The following SLC5A4 variants were observed in gnomAD, a reference collection of about 807,000 sequenced individuals.
SLC5A4 encodes probable glucose sensor protein SLC5A4.
SLC5A4 carries 55 observed loss-of-function variants against 70.3 expected under a neutral mutation model. That is an observed-to-expected ratio of 0.78 (90% CI 0.63 to 0.98). SLC5A4 has a LOEUF of 0.98. Ranked by LOEUF, SLC5A4 falls within the 50% of genes least tolerant of loss-of-function variation. The pLI is 0.00. For missense variants in SLC5A4, 735 were observed against 839.2 expected, an observed-to-expected ratio of 0.88 and a Z score of 1.53; for synonymous variants, 268 against 305.7, an observed-to-expected ratio of 0.88 and a Z score of 1.29.
chr22:32,263,397 C>T, the SLC5A4 span, among the ~76,000 whole-genome samples: 11 of 152,132 alleles, frequency 7.2e-5, no homozygotes, highest in Non-Finnish European at 1.5e-4. Flanking sequence ...GAAACAATTC[C>T]TTAGAAACAT....
At chr22:32,256,333 A>G (rs5753896), upstream of SLC5A4, among the ~76,000 whole-genome samples, 101 of 152,158 alleles carry the variant, frequency 6.6e-4, 1 homozygote, top group East Asian at 0.015. Context: ...AAACAACAAC[A>G]AAAAAACAAA....
intron 13 of SLC5A4, among the ~76,000 whole-genome samples, chr22:32,223,639 G>A (rs534564708): frequency 6.6e-6 from 1 of 152,184 alleles, no homozygotes; most frequent in African/African-American, 2.4e-5. Context: ...TGACAGCTCT[G>A]CTGTGAAGTC....
chr22:32,324,066 A>C, the SLC5A4 span, among the ~76,000 whole-genome samples: 1 of 152,204 alleles, frequency 6.6e-6, no homozygotes, highest in Non-Finnish European at 1.5e-5. Flanking sequence ...TCCGTTTGGG[A>C]ATGACAAGCA....
chr22:32,274,281 C>T, the SLC5A4 span, among the ~76,000 whole-genome samples: 1 of 152,054 alleles, frequency 6.6e-6, no homozygotes, highest in East Asian at 1.9e-4. Context: ...ACCTCGTGCT[C>T]CTCCCGCCTC....
At chr22:32,269,501 G>T in the SLC5A4 span, 6 of 580,370 alleles carry the variant, frequency 1.0e-5, no homozygotes, top group South Asian at 6.1e-5. This position sits in a 1 kb window ranked among gnomAD's most constrained non-coding sequence, Gnocchi z 4.1. Flanking sequence ...GCCCGGGCAC[G>T]TGGCTGTGTG....
intron 8 of SLC5A4, among the ~76,000 whole-genome samples, chr22:32,234,506 C>G (rs1252382901): frequency 6.6e-6 from 1 of 152,112 alleles, no homozygotes; most frequent in East Asian, 1.9e-4. Flanking sequence ...CGAGACCAGC[C>G]TGGCCAACAT....
the SLC5A4 span, among the ~76,000 whole-genome samples, chr22:32,350,751 T>C: frequency 3.3e-5 from 5 of 152,106 alleles, no homozygotes; most frequent in Admixed American, 6.5e-5. Flanking sequence ...TTTTTACACA[T>C]ATCAACAGTA....
At chr22:32,272,882 T>C in the SLC5A4 span, 3 of 513,400 alleles carry the variant, frequency 5.8e-6, no homozygotes, top group South Asian at 4.5e-5. Context: ...CTGATGCTGC[T>C]GAACGTGCTG....
intron 9 of SLC5A4, among the ~76,000 whole-genome samples, chr22:32,231,856 C>A (rs1428945898): frequency 6.6e-6 from 1 of 151,862 alleles, no homozygotes; most frequent in Non-Finnish European, 1.5e-5. Context: ...ACAATAATTT[C>A]TTTGGCCATT....
At chr22:32,231,149 A>G in intron 9 of SLC5A4, 74 bp from the exon 10 acceptor site, 3 of 869,410 alleles carry the variant, frequency 3.5e-6, no homozygotes, top group Non-Finnish European at 3.9e-6. Context: ...CAAAGAGAAA[A>G]GTTGAAAGAT....
chr22:32,302,628 G>C, the SLC5A4 span, among the ~76,000 whole-genome samples: 72,732 of 151,894 alleles, frequency 0.48, 17,568 homozygotes, highest in Admixed American at 0.51. Flanking sequence ...AAACCAATTT[G>C]GCAAATATGT....
At chr22:32,311,577 G>A in the SLC5A4 span, among the ~76,000 whole-genome samples, 1 of 152,288 alleles carries the variant, frequency 6.6e-6, no homozygotes, top group East Asian at 1.9e-4. Flanking sequence ...ATTCAAAGCG[G>A]GTGGATTTCT....
At chr22:32,234,297 A>G (rs905495630) in intron 8 of SLC5A4, among the ~76,000 whole-genome samples, 6 of 152,230 alleles carry the variant, frequency 3.9e-5, no homozygotes, top group Admixed American at 3.9e-4. Context: ...ATAAATGCCA[A>G]AACACTTACT....
chr22:32,325,168 C>A, the SLC5A4 span, among the ~76,000 whole-genome samples: 1 of 152,260 alleles, frequency 6.6e-6, no homozygotes, highest in Non-Finnish European at 1.5e-5. Context: ...TCGCACTAGG[C>A]CTTCCAATAA....
chr22:32,344,828 C>T, the SLC5A4 span, among the ~76,000 whole-genome samples: 15 of 152,130 alleles, frequency 9.9e-5, no homozygotes, highest in African/African-American at 3.4e-4. Context: ...ACACATTCCC[C>T]ACCTTGCTCA....
chr22:32,332,382 T>C, the SLC5A4 span, among the ~76,000 whole-genome samples: 1,269 of 152,212 alleles, frequency 8.3e-3, 17 homozygotes, highest in African/African-American at 0.029. Context: ...CCTCTGCACA[T>C]GCTATTTCCA....
chr22:32,302,719 TA>T, the SLC5A4 span, among the ~76,000 whole-genome samples: 2 of 152,182 alleles, frequency 1.3e-5, no homozygotes, highest in African/African-American at 4.8e-5. Context: ...ACTTGATTGT[TA>T]TAGCTATATA....
the SLC5A4 span, among the ~76,000 whole-genome samples, chr22:32,326,731 C>T: frequency 2.0e-5 from 3 of 152,168 alleles, no homozygotes; most frequent in Admixed American, 2.0e-4. Context: ...TCTGCTGACA[C>T]GATAGAGTTG....
At chr22:32,343,684 C>G in the SLC5A4 span, among the ~76,000 whole-genome samples, 1 of 152,090 alleles carries the variant, frequency 6.6e-6, no homozygotes, top group Non-Finnish European at 1.5e-5. Context: ...TGGTCTCTAC[C>G]CAAACTTTTC....
Sources: allele counts gnomAD v4.1 joint callset (sites outside exome capture counted in the v4.1 genomes callset), GRCh38; gene constraint gnomAD v4.1.1; non-coding constraint Gnocchi (gnomAD v3.1); transcripts MANE v1.5; gene names NCBI Gene and HGNC (gene_info 2026-07-23, HGNC 2026-07-21).